PLAGL1: variants seen among roughly 807,000 people sequenced by gnomAD.
PLAGL1 encodes the protein PLAG1 like zinc finger 1.
PLAGL1 carries 1 observed loss-of-function variant against 4.6 expected under a neutral mutation model. The observed-to-expected ratio is 0.22, with a 90% CI of 0.08 to 1.03. The LOEUF (loss-of-function observed/expected upper bound fraction) is 1.03, where lower values mean the gene tolerates loss of function less well. PLAGL1 is among the 50% of genes least tolerant of loss of function. PLAGL1 has a pLI of 0.58. For synonymous variants in PLAGL1, 240 were observed against 237.8 expected (o/e 1.01, Z -0.08); for missense variants, 464 against 570.4 (o/e 0.81, Z 1.90).
At chr6:144,060,532 G>A (rs7772820) in intron 1 of PLAGL1, among the ~76,000 whole-genome samples, 103,246 of 152,112 alleles carry the variant, frequency 0.68, 36,821 homozygotes, top group African/African-American at 0.91. Flanking sequence ...TGCTGAATTG[G>A]AAGACATGAA....
Position 143,941,621 on chromosome 6 carries a change from C to A in PLAGL1, c.1195G>T (p.Gly399Trp), listed in dbSNP as rs2128502365. The A allele has an allele frequency of 6.2e-7, 1 of 1,614,082 alleles. No homozygotes were observed. The highest frequency in any genetic ancestry group is 8.5e-7 in the Non-Finnish European group (1 of 1,179,976). ...LPPPATQNTF[G>W]NSTLALGPGE... ...GGCCCCAGGGCAAGAGTGCTATTCCCAAAGGTATTTTGGGTAGCAGGAGGG... is the reference window on the plus strand; with the variant it reads ...GGCCCCAGGGCAAGAGTGCTATTCCAAAAGGTATTTTGGGTAGCAGGAGGG... Residue 399 changes from glycine to tryptophan, a missense_variant, in exon 8 of 8, where the codon GGG becomes TGG. By Grantham distance (184) the Gly-to-Trp change is radical. This residue lies in a region of PLAGL1 where 248 missense variants were observed against 250.1 expected (regional missense o/e 0.99). Coordinates refer to ENST00000674357, the MANE Select transcript of PLAGL1 (RefSeq NM_001317162.2). This position sits in a 1 kb window ranked among gnomAD's most constrained non-coding sequence, Gnocchi z 6.0.
rs190083081 is a variant in PLAGL1, at chr6:144,004,349, A to G, written c.-584+3741T>C. On this transcript the variant is annotated intron_variant, in intron 1 of 7. Coordinates refer to ENST00000674357, the MANE Select transcript of PLAGL1 (RefSeq NM_001317162.2). This position sits in a 1 kb window ranked among gnomAD's most constrained non-coding sequence, Gnocchi z 4.2. ...GACAGGAGCCATGGAACACAGCCCA[A>G]TAAAATTTTATAAACAGAAACATGC... Among the ~76,000 whole-genome samples the G allele has an allele frequency of 5.9e-5, 9 of 152,342 alleles. No homozygotes were observed. The highest frequency in any genetic ancestry group is 1.2e-4 in the Non-Finnish European group (8 of 68,016).
chr6:143,996,384 CAG>C (rs1162556220), intron 1 of PLAGL1, among the ~76,000 whole-genome samples: 1 of 152,168 alleles, frequency 6.6e-6, no homozygotes, highest in East Asian at 1.9e-4. Context: ...CGCTTGTAAA[CAG>C]AAAGTATGGC....
chr6:143,945,015 G>A lies in PLAGL1; in HGVS notation c.153-2352C>T, dbSNP rs1475876270. ...AAGTGGGGCACAGTCTGACACCCCAGTAGTACTTGAGCAAGACCACTGCCT... is the reference window on the plus strand; with the variant it reads ...AAGTGGGGCACAGTCTGACACCCCAATAGTACTTGAGCAAGACCACTGCCT... On this transcript the variant is annotated intron_variant, in intron 7 of 7. Transcript: ENST00000674357. This position sits in a 1 kb window ranked among gnomAD's most constrained non-coding sequence, Gnocchi z 4.2. Among the ~76,000 whole-genome samples, 2 of 152,124 alleles carry A rather than the reference G, an allele frequency of 1.3e-5. No individual in the cohort carries two copies. The highest frequency in any genetic ancestry group is 2.9e-5 in the Non-Finnish European group (2 of 68,032).
Position 143,983,108 on chromosome 6 carries a change from G to T in PLAGL1, c.-544+2027C>A, listed in dbSNP as rs1788309266. 6.6e-6 allele frequency among the ~76,000 whole-genome samples: 1 copy of T among 152,178 alleles called. No homozygotes were observed. The highest frequency in any genetic ancestry group is 2.4e-5 in the African/African-American group (1 of 41,452). ...ACAATGAGGATGTAACTGCAAGAAA[G>T]ATAAGAGTAGTCACATGCAATAGGA... is the stretch of plus-strand genomic sequence containing the variant. On this transcript the variant is annotated intron_variant, in intron 2 of 7. Transcript: ENST00000674357. The surrounding 1 kb of genome is among the most constrained non-coding windows in gnomAD (Gnocchi z 6.6).
intron 1 of PLAGL1, among the ~76,000 whole-genome samples, chr6:144,025,563 GAAACTATTCTAAAGTAA>G (rs1326251884): frequency 2.0e-5 from 3 of 152,064 alleles, no homozygotes; most frequent in African/African-American, 7.2e-5. Context: ...TTGTAAATCT[GAAACTATTCTAAAGTAA>G]AAACTATATT....
chr6:143,977,297 T>C lies in PLAGL1; in HGVS notation c.-544+7838A>G, dbSNP rs551658138. 5.3e-5 allele frequency among the ~76,000 whole-genome samples: 8 copies of C among 152,268 alleles called. No individual in the cohort carries two copies. The East Asian group carries it at 1.2e-3, about 22-fold the overall frequency. On this transcript the variant is annotated intron_variant, in intron 2 of 7. Transcript: ENST00000674357. ...TCATACAGAGAAGTTTTGCCGATCT[T>C]TTTACTGTCTAGTTTTGCATTTTCT...
chr6:143,976,426 G>T (rs1786570658), intron 2 of PLAGL1, among the ~76,000 whole-genome samples: 1 of 150,834 alleles, frequency 6.6e-6, no homozygotes, highest in Non-Finnish European at 1.5e-5. Flanking sequence ...TGATATTAAA[G>T]AGGCAGGAGC....
rs1245204089 is a variant in PLAGL1, at chr6:143,950,864, G to A, written c.-324-2404C>T. ...CTGAGCACTCAAAATGTGCCTCTGA[G>A]AAACTGAAACTTTTACTTTATTTAA... On this transcript the variant is annotated intron_variant, in intron 6 of 7. Coordinates refer to ENST00000674357, the MANE Select transcript of PLAGL1 (RefSeq NM_001317162.2). This position sits in a 1 kb window ranked among gnomAD's most constrained non-coding sequence, Gnocchi z 6.3. Among the ~76,000 whole-genome samples the A allele has an allele frequency of 2.0e-5, 3 of 152,198 alleles. No individual in the cohort carries two copies. The highest frequency in any genetic ancestry group is 2.9e-5 in the Non-Finnish European group (2 of 68,032).
intron 1 of PLAGL1, among the ~76,000 whole-genome samples, chr6:144,054,643 T>C (rs1264093660): frequency 6.6e-6 from 1 of 151,464 alleles, no homozygotes; most frequent in Non-Finnish European, 1.5e-5. Flanking sequence ...AAATACCTAA[T>C]GCATGCAGGG....
At chr6:144,051,974 G>A (rs1798614140) in intron 1 of PLAGL1, among the ~76,000 whole-genome samples, 1 of 152,126 alleles carries the variant, frequency 6.6e-6, no homozygotes. Flanking sequence ...ATGAATTACA[G>A]TTTAATCTAA....
intron 1 of PLAGL1, among the ~76,000 whole-genome samples, chr6:143,987,335 A>G (rs1270363846): frequency 6.6e-6 from 1 of 150,786 alleles, no homozygotes; most frequent in Non-Finnish European, 1.5e-5. Flanking sequence ...CTCCGAACAC[A>G]GCAGAGTTAA....
Position 143,948,122 on chromosome 6 carries a change from G to C in PLAGL1, c.15C>G (p.Pro5=). The stretch of plus-strand genomic sequence containing the variant: ...GGAACGTCTTGCCACATAACTGGCA[G>C]GGGAACGTGGCCATGGGCTTTGCTT... MATF[P]CQLCGKTFLT... Residue 5 remains proline, a synonymous_variant, in exon 7 of 8, where the codon CCC becomes CCG. Coordinates refer to ENST00000674357, the MANE Select transcript of PLAGL1 (RefSeq NM_001317162.2). The surrounding 1 kb of genome is among the most constrained non-coding windows in gnomAD (Gnocchi z 6.0). The C allele has an allele frequency of 6.2e-7, 1 of 1,613,568 alleles. No homozygotes were observed. Among genetic ancestry groups the C allele is most frequent in the Non-Finnish European group, 8.5e-7 (1 of 1,179,830 alleles).
At position 143,955,544 on chromosome 6, in the gene PLAGL1, G is replaced by C. The variant is rs1436361226; in HGVS notation, c.-325+4925C>G. ...GTAGAGAATGCCAATAAAATGCTGT[G>C]AGGAATGGGAAGAGGCAGTGGGGAA... On this transcript the variant is annotated intron_variant, in intron 6 of 7. Coordinates refer to ENST00000674357, the MANE Select transcript of PLAGL1 (RefSeq NM_001317162.2). The surrounding 1 kb of genome is among the most constrained non-coding windows in gnomAD (Gnocchi z 4.9). Among the ~76,000 whole-genome samples, 1 of 152,138 alleles carries C rather than the reference G, an allele frequency of 6.6e-6. No homozygotes were observed. The highest frequency in any genetic ancestry group is 1.5e-5 in the Non-Finnish European group (1 of 68,026).
chr6:143,969,698 T>C (rs1785063709), intron 2 of PLAGL1, among the ~76,000 whole-genome samples: 1 of 149,964 alleles, frequency 6.7e-6, no homozygotes, highest in Admixed American at 6.6e-5. Context: ...TTCCTTTGGG[T>C]AAGGGAAACA....
chr6:144,040,268 C>T (rs1289870404), intron 1 of PLAGL1, among the ~76,000 whole-genome samples: 1 of 152,138 alleles, frequency 6.6e-6, no homozygotes, highest in African/African-American at 2.4e-5. Flanking sequence ...GTGGCTCACA[C>T]CTGTAATCCC....
At position 143,948,093 on chromosome 6, in the gene PLAGL1, G is replaced by A. The variant is rs1324722880; in HGVS notation, c.44C>T (p.Thr15Ile). The part of the protein sequence containing the change: ...PCQLCGKTFL[T>I]LEKFTIHNYS... ...ATTGTGAATCGTGAACTTCTCCAGGGTGAGGAACGTCTTGCCACATAACTG... is the reference window on the plus strand; with the variant it reads ...ATTGTGAATCGTGAACTTCTCCAGGATGAGGAACGTCTTGCCACATAACTG... The change falls in exon 7 of 8, where the codon ACC (threonine) becomes ATC (isoleucine). Residue 15 changes from threonine (T) to isoleucine (I), a missense_variant. Physicochemically the swap from Thr to Ile is moderately conservative, Grantham distance 89 (BLOSUM62 -1). Transcript: ENST00000674357. This position sits in a 1 kb window ranked among gnomAD's most constrained non-coding sequence, Gnocchi z 6.0. 1 of 1,613,898 alleles carries A rather than the reference G, an allele frequency of 6.2e-7. No individual in the cohort carries two copies. Among genetic ancestry groups the A allele is most frequent in the South Asian group, 1.1e-5 (1 of 91,078 alleles).
intron 1 of PLAGL1, among the ~76,000 whole-genome samples, chr6:144,003,163 A>G (rs1376920424): frequency 6.6e-6 from 1 of 152,184 alleles, no homozygotes; most frequent in African/African-American, 2.4e-5. Flanking sequence ...TGGGAAAAGA[A>G]AGGTGTTGTT....
chr6:143,946,113 G>T (rs531133213), intron 7 of PLAGL1, among the ~76,000 whole-genome samples: 9 of 152,252 alleles, frequency 5.9e-5, no homozygotes, highest in African/African-American at 2.2e-4. Flanking sequence ...CCACCCTGTG[G>T]ACCACATGTG....
Sources: gnomAD v4.1 joint callset for allele counts (sites outside exome capture counted in the v4.1 genomes callset) on GRCh38, gnomAD v4.1.1 for gene constraint, gnomAD v4.1.1 regional missense constraint, Gnocchi (gnomAD v3.1) non-coding constraint, MANE v1.5 for transcripts, NCBI Gene and HGNC (gene_info 2026-07-23, HGNC 2026-07-21) for gene names.